The following NEURL1 variants were observed in gnomAD, a reference collection of about 807,000 sequenced individuals.
NEURL1 encodes the protein E3 ubiquitin-protein ligase NEURL1.
Under a neutral mutation model 41.2 loss-of-function variants are expected in NEURL1, and 26 were observed. That is an observed-to-expected ratio of 0.63 (90% CI 0.46 to 0.87). NEURL1 has a LOEUF of 0.87. Among genes scored for constraint, NEURL1 ranks in the 40% least tolerant of loss-of-function variants. The pLI is 0.00. For missense variants in NEURL1, 761 were observed against 871.1 expected (o/e 0.87, Z 1.59); for synonymous variants, 400 against 402.3 (o/e 0.99, Z 0.07).
At chr10:103,589,996 T>C in intron 5 of NEURL1, 138 bp from the exon 6 acceptor site, 1 of 911,830 alleles carries the variant, frequency 1.1e-6, no homozygotes, top group Non-Finnish European at 1.7e-6. Flanking sequence ...CCTTGTGCCC[T>C]GGAAGTTGGG....
chr10:103,571,033 G>A lies in NEURL1; in HGVS notation c.247G>A (p.Val83Ile). The change falls in exon 2 of 6, where the codon GTC (valine) becomes ATC (isoleucine). Residue 83 changes from valine (V) to isoleucine (I), a missense_variant. Physicochemically the swap from Val to Ile is conservative, Grantham distance 29. This residue lies in a region of NEURL1 where 65 missense variants were observed against 131.6 expected (regional missense o/e 0.49). Transcript: ENST00000369780. Reference protein sequence around the residue: ...QILMDLSHKAVKRQASFCNAI... With the variant: ...QILMDLSHKAIKRQASFCNAI... ...CCTCATGGACCTCAGCCACAAGGCT[G>A]TCAAGAGGCAGGCCAGCTTCTGCAA... 6.2e-7 allele frequency: 1 copy of A among 1,614,036 alleles called. No homozygotes were observed.
At chr10:103,544,006 G>C (rs976529536) in intron 1 of NEURL1, among the ~76,000 whole-genome samples, 1 of 152,212 alleles carries the variant, frequency 6.6e-6, no homozygotes, top group Non-Finnish European at 1.5e-5. Flanking sequence ...CCAAAGTGGG[G>C]GTCGAGTTTA....
rs34595199 is a variant in NEURL1 at position 103,505,220 on chromosome 10, ATTTTT to A, written c.85+10763_85+10767del. Among the ~76,000 whole-genome samples the A allele has an allele frequency of 3.2e-4, 41 of 128,640 alleles. No individual in the cohort carries two copies. In the East Asian group the frequency reaches 8.4e-3, roughly 26 times the overall value. 84.4% of individuals were successfully genotyped at this position (128,640 alleles called of 152,430 possible). A position where few individuals can be genotyped will look rare whatever the true frequency, so the allele number is the denominator to read the frequency against. On this transcript the variant is annotated intron_variant, in intron 1 of 5. Coordinates refer to ENST00000369780, the MANE Select transcript of NEURL1 (RefSeq NM_004210.5). ...AGGCACACAATACCAAGCCCAGCTA[ATTTTT>A]TTTTTTTTTTTTTTGGTAGACGGAG...
At chr10:103,539,609 C>T (rs1363247782) in intron 1 of NEURL1, among the ~76,000 whole-genome samples, 2 of 152,208 alleles carry the variant, frequency 1.3e-5, no homozygotes, top group Non-Finnish European at 2.9e-5. Context: ...AGGGAAGACA[C>T]TCCCAGCTTT....
At chr10:103,504,618 TC>T (rs2033905371) in intron 1 of NEURL1, among the ~76,000 whole-genome samples, 1 of 152,198 alleles carries the variant, frequency 6.6e-6, no homozygotes, top group African/African-American at 2.4e-5. Flanking sequence ...TACACTTTCC[TC>T]CCTTTCTATT....
chr10:103,563,009 C>A (rs752693336), intron 1 of NEURL1, among the ~76,000 whole-genome samples: 3 of 152,174 alleles, frequency 2.0e-5, no homozygotes, highest in Non-Finnish European at 2.9e-5. Context: ...AGCTTTCCAA[C>A]CATTCTCCTA....
chr10:103,560,092 C>T (rs948214084), intron 1 of NEURL1, among the ~76,000 whole-genome samples: 3 of 152,136 alleles, frequency 2.0e-5, no homozygotes, highest in African/African-American at 7.2e-5. Context: ...CACTCACCTG[C>T]TGCCTCTGTC....
chr10:103,494,396 C>T lies in NEURL1; in HGVS notation c.9C>T (p.Asn3=). The change falls in exon 1 of 6, where the codon AAC becomes AAT. Residue 3 remains asparagine (N), a synonymous_variant. Coordinates refer to ENST00000369780, the MANE Select transcript of NEURL1 (RefSeq NM_004210.5). MG[N]NFSSIPSLPR... Reference sequence around the variant, plus strand: ...TCCTGGGGCCGGATGCCATGGGTAACAACTTCTCCAGTATCCCCTCGCTGC... The same window carrying T: ...TCCTGGGGCCGGATGCCATGGGTAATAACTTCTCCAGTATCCCCTCGCTGC... 1.9e-6 allele frequency: 3 copies of T among 1,592,862 alleles called. No individual in the cohort carries two copies. Among genetic ancestry groups the T allele is most frequent in the Non-Finnish European group, 2.6e-6 (3 of 1,170,002 alleles).
Position 103,589,534 on chromosome 10 carries a change from C to T in NEURL1, c.1360C>T (p.Arg454Trp), listed in dbSNP as rs775661307. Residue 454 changes from arginine (R) to tryptophan (W), a missense_variant, in exon 5 of 6, where the codon CGG (arginine) becomes TGG (tryptophan). This residue lies in a region of NEURL1 where 443 missense variants were observed against 408.1 expected (regional missense o/e 1.09). Coordinates refer to ENST00000369780, the MANE Select transcript of NEURL1 (RefSeq NM_004210.5). The stretch of plus-strand genomic sequence containing the variant: ...CACAGGCTCCACTATCCTGGCCGAG[C>T]GGGGTATCCCATCACTCCCCTGCTC... ...RILGSTILAE[R>W]GIPSLPCSPA... 45 of 1,611,732 alleles carry T rather than the reference C, an allele frequency of 2.8e-5. No individual in the cohort carries two copies. Among genetic ancestry groups the T allele is most frequent in the East Asian group, 8.9e-5 (4 of 44,804 alleles).
rs1349752228 is a variant in NEURL1 at position 103,556,954 on chromosome 10, A to C, written c.86-13918A>C. On this transcript the variant is annotated intron_variant, in intron 1 of 5. Coordinates refer to ENST00000369780, the MANE Select transcript of NEURL1 (RefSeq NM_004210.5). This position sits in a 1 kb window ranked among gnomAD's most constrained non-coding sequence, Gnocchi z 4.4. Reference sequence around the variant, plus strand: ...GGAAGGACAGAGAGGCTCTCAGAGCAGACTCAGGACATAGTACACTGTCCT... The same window carrying C: ...GGAAGGACAGAGAGGCTCTCAGAGCCGACTCAGGACATAGTACACTGTCCT... 6.6e-6 allele frequency among the ~76,000 whole-genome samples: 1 copy of C among 152,238 alleles called. No homozygotes were observed. The highest frequency in any genetic ancestry group is 1.5e-5 in the Non-Finnish European group (1 of 68,034).
At chr10:103,582,324 G>C (rs1293433613) in intron 3 of NEURL1, among the ~76,000 whole-genome samples, 2 of 152,118 alleles carry the variant, frequency 1.3e-5, no homozygotes, top group Non-Finnish European at 2.9e-5. Context: ...TGCACCATTT[G>C]TCTCTCCTAC....
At chr10:103,524,906 G>A (rs2034429826) in intron 1 of NEURL1, among the ~76,000 whole-genome samples, 1 of 152,074 alleles carries the variant, frequency 6.6e-6, no homozygotes, top group Admixed American at 6.6e-5. Flanking sequence ...GCTCAGGATT[G>A]CTTTGGCTAT....
chr10:103,494,040 G>A lies in NEURL1; in HGVS notation c.-348G>A, dbSNP rs2133839762. On this transcript the variant is annotated 5_prime_UTR_variant, in exon 1 of 6. Coordinates refer to ENST00000369780, the MANE Select transcript of NEURL1 (RefSeq NM_004210.5). ...CGGGGGAGCGCGCCGGAGCCGCCGC[G>A]CCGCCCACCCCCAGCCGGAACCCTA... 2 of 200,732 alleles carry A rather than the reference G, an allele frequency of 1.0e-5. No homozygotes were observed. Among genetic ancestry groups the A allele is most frequent in the Non-Finnish European group, 2.0e-5 (2 of 100,744 alleles). The allele number at this position is 200,732 out of a possible 1,614,324, so 12.4% of individuals were successfully genotyped here.
intron 1 of NEURL1, among the ~76,000 whole-genome samples, chr10:103,561,819 T>A (rs1043339172): frequency 3.9e-5 from 6 of 152,240 alleles, no homozygotes; most frequent in African/African-American, 1.4e-4. Context: ...GCTTCTTTTC[T>A]ACTGCTGGCA....
intron 3 of NEURL1, among the ~76,000 whole-genome samples, chr10:103,584,267 A>C (rs117672047): frequency 6.6e-6 from 1 of 152,210 alleles, no homozygotes; most frequent in Non-Finnish European, 1.5e-5. Context: ...ATGAGGAAGT[A>C]CACATATGCA....
intron 3 of NEURL1, among the ~76,000 whole-genome samples, chr10:103,582,769 T>C (rs762552593): frequency 3.3e-5 from 5 of 152,182 alleles, no homozygotes; most frequent in Non-Finnish European, 5.9e-5. Flanking sequence ...GATTCTCCCT[T>C]GGAGAGGTTC....
intron 1 of NEURL1, among the ~76,000 whole-genome samples, chr10:103,522,602 C>CAA (rs528719693): frequency 3.7e-5 from 4 of 106,726 alleles, no homozygotes; most frequent in Non-Finnish European, 3.8e-5. Context: ...AACTCCATTT[C>CAA]AAAAAAAAAA....
intron 1 of NEURL1, among the ~76,000 whole-genome samples, chr10:103,562,163 T>A (rs2035308512): frequency 6.6e-6 from 1 of 152,226 alleles, no homozygotes; most frequent in Non-Finnish European, 1.5e-5. Flanking sequence ...GGCGGGCAGA[T>A]CATGAGGTCA....
intron 1 of NEURL1, among the ~76,000 whole-genome samples, chr10:103,550,145 G>C (rs1221535837): frequency 6.6e-6 from 1 of 152,214 alleles, no homozygotes; most frequent in East Asian, 1.9e-4. Context: ...GTTTAGGCTG[G>C]GAATGAGGTG....
Sources: allele counts gnomAD v4.1 joint callset (sites outside exome capture counted in the v4.1 genomes callset), GRCh38; gene constraint gnomAD v4.1.1; regional missense constraint gnomAD v4.1.1; non-coding constraint Gnocchi (gnomAD v3.1); transcripts MANE v1.5; gene names NCBI Gene and HGNC (gene_info 2026-07-23, HGNC 2026-07-21).